PCDH15: variants seen among roughly 807,000 people sequenced by gnomAD.
PCDH15 encodes the protein protocadherin related 15.
In PCDH15, 129 loss-of-function variants were observed where a neutral mutation model predicts 178.5. The ratio of observed to expected loss-of-function variants is 0.72; its 90% confidence interval spans 0.63 to 0.84. The LOEUF (loss-of-function observed/expected upper bound fraction) is 0.84. Ranked by LOEUF, PCDH15 falls within the 40% of genes least tolerant of loss-of-function variation. PCDH15 has a pLI of 0.00. For synonymous variants in PCDH15, 800 were observed against 732.0 expected (o/e 1.09, Z -1.50); for missense variants, 2,230 against 2,099.9 (o/e 1.06, Z -1.21).
chr10:55,466,368 C>A (rs536677994), intron 2 of PCDH15, among the ~76,000 whole-genome samples: 1 of 152,050 alleles, frequency 6.6e-6, no homozygotes, highest in Admixed American at 6.5e-5. Context: ...AGTTTAATAT[C>A]TAATTGGAGG....
intron 29 of PCDH15, among the ~76,000 whole-genome samples, chr10:53,835,282 T>C (rs572733899): frequency 9.5e-4 from 145 of 152,322 alleles, no homozygotes; most frequent in African/African-American, 3.4e-3. Context: ...GCCTTCTCCA[T>C]CTTTCTCTTA....
At chr10:54,626,901 G>A (rs888759860) in intron 2 of PCDH15, among the ~76,000 whole-genome samples, 9 of 152,178 alleles carry the variant, frequency 5.9e-5, no homozygotes, top group Non-Finnish European at 1.3e-4. Context: ...CCACAGGGAT[G>A]GAGCTTCCCA....
intron 17 of PCDH15, among the ~76,000 whole-genome samples, chr10:54,070,488 G>A (rs1213612140): frequency 6.6e-6 from 1 of 152,246 alleles, no homozygotes; most frequent in Non-Finnish European, 1.5e-5. Context: ...ACAGGCGTGA[G>A]CCATCGCACC....
chr10:54,203,600 G>A (rs573617477), intron 10 of PCDH15, among the ~76,000 whole-genome samples: 2 of 152,234 alleles, frequency 1.3e-5, no homozygotes, highest in East Asian at 3.9e-4. Context: ...CTGAGTAATA[G>A]TATATTCCTG....
At chr10:55,523,573 G>A (rs997063575) in intron 2 of PCDH15, among the ~76,000 whole-genome samples, 1 of 151,490 alleles carries the variant, frequency 6.6e-6, no homozygotes, top group African/African-American at 2.4e-5. Flanking sequence ...TTCACAGGGC[G>A]ATAGACATCA....
chr10:55,488,318 T>G (rs1018228317), intron 2 of PCDH15, among the ~76,000 whole-genome samples: 4 of 151,622 alleles, frequency 2.6e-5, no homozygotes, highest in Non-Finnish European at 4.4e-5. Flanking sequence ...CAACAATTGA[T>G]TACTACTTAT....
rs149992956 is a variant in PCDH15, at chr10:54,079,469, T to C, written c.1998-45A>G. ...ACAAATAAGACAAAAAGAGATATTA[T>C]GTCACAAGGAGAGTCTTCTTAGTAT... On this transcript the variant is annotated intron_variant, in intron 16 of 37. Coordinates refer to ENST00000644397, the MANE Select transcript of PCDH15 (RefSeq NM_001384140.1). The C allele has an allele frequency of 1.6e-3, 2,526 of 1,544,828 alleles. 29 individuals carry two copies. The African/African-American group carries it at 0.03, about 18-fold the overall frequency.
intron 28 of PCDH15, among the ~76,000 whole-genome samples, chr10:53,856,524 A>G (rs2078756043): frequency 6.6e-6 from 1 of 152,104 alleles, no homozygotes; most frequent in South Asian, 2.1e-4. Flanking sequence ...ATTTAGACAC[A>G]TTGCTTTGAG....
intron 3 of PCDH15, among the ~76,000 whole-genome samples, chr10:54,512,880 A>C (rs2081848203): frequency 6.6e-6 from 1 of 152,132 alleles, no homozygotes; most frequent in Non-Finnish European, 1.5e-5. Context: ...TAAAAGACCT[A>C]AGTGAAGATT....
At chr10:54,499,104 A>G (rs986947380) in intron 3 of PCDH15, among the ~76,000 whole-genome samples, 8 of 152,168 alleles carry the variant, frequency 5.3e-5, no homozygotes, top group Non-Finnish European at 8.8e-5. Flanking sequence ...GGTGGGGACA[A>G]GAATCCAAAC....
intron 1 of PCDH15, among the ~76,000 whole-genome samples, chr10:55,295,042 T>C (rs1330369966): frequency 6.6e-6 from 1 of 152,220 alleles, no homozygotes; most frequent in Non-Finnish European, 1.5e-5. Flanking sequence ...CATTAGCTGC[T>C]ATTTCAAAGG....
chr10:54,856,638 C>T (rs1337048604), intron 3 of PCDH15, among the ~76,000 whole-genome samples: 1 of 152,180 alleles, frequency 6.6e-6, no homozygotes, highest in Admixed American at 6.6e-5. Flanking sequence ...TTTGATCACT[C>T]ACCCTGGCTT....
chr10:55,203,279 A>C (rs558202181), intron 1 of PCDH15, among the ~76,000 whole-genome samples: 1 of 152,176 alleles, frequency 6.6e-6, no homozygotes, highest in African/African-American at 2.4e-5. Context: ...CTCAGCCTTA[A>C]GGATAGTAGC....
At chr10:55,180,913 CATGTT>C (rs1839631196) in intron 1 of PCDH15, among the ~76,000 whole-genome samples, 1 of 151,798 alleles carries the variant, frequency 6.6e-6, no homozygotes, top group Non-Finnish European at 1.5e-5. Context: ...CCTTGGCTGT[CATGTT>C]CCTAGAGGGG....
intron 25 of PCDH15, chr10:53,907,246 C>G (rs894484218): frequency 2.0e-5 from 3 of 152,102 alleles, no homozygotes; most frequent in Non-Finnish European, 2.9e-5. Context: ...TTTAAGATAG[C>G]CTGCTTTTTA....
At chr10:55,342,307 CACAT>C (rs1320947450) in intron 2 of PCDH15, among the ~76,000 whole-genome samples, 1 of 151,698 alleles carries the variant, frequency 6.6e-6, no homozygotes, top group Non-Finnish European at 1.5e-5. Context: ...TATATTAAAG[CACAT>C]ACAATGTTAT....
At chr10:54,011,882 T>A (rs2092597951) in intron 20 of PCDH15, among the ~76,000 whole-genome samples, 1 of 152,180 alleles carries the variant, frequency 6.6e-6, no homozygotes, top group Non-Finnish European at 1.5e-5. Flanking sequence ...AAAACAAGTG[T>A]CTTCTTTCCT....
rs552784398 is a variant in PCDH15, at chr10:55,312,064, G to T, written c.-156+7535C>A. On this transcript the variant is annotated intron_variant, in intron 1 of 5. Coordinates refer to the PCDH15 transcript ENST00000458638. The stretch of plus-strand genomic sequence containing the variant: ...AATGTGGAGATTGTGAATTTCATCT[G>T]CTGTGAGTCACTGTGATGGTAAACT... 1.4e-4 allele frequency among the ~76,000 whole-genome samples: 21 copies of T among 152,270 alleles called. No homozygotes were observed. The South Asian group carries it at 3.5e-3, about 26-fold the overall frequency.
At chr10:54,232,930 T>C (rs189002235) in intron 9 of PCDH15, among the ~76,000 whole-genome samples, 2 of 148,524 alleles carry the variant, frequency 1.3e-5, no homozygotes, top group East Asian at 1.9e-4. Flanking sequence ...CTTTCTTTTT[T>C]TTTTTTTTTT....
Sources: allele counts gnomAD v4.1 joint callset (sites outside exome capture counted in the v4.1 genomes callset), GRCh38; gene constraint gnomAD v4.1.1; transcripts MANE v1.5; gene names NCBI Gene and HGNC (gene_info 2026-07-23, HGNC 2026-07-21).